UBAC2: variants seen among roughly 807,000 people sequenced by gnomAD.
UBAC2 encodes UBA domain containing 2, also known as ubiquitin-associated domain-containing protein 2.
UBAC2 carries 26 observed loss-of-function variants against 44.0 expected under a neutral mutation model. The observed-to-expected ratio is 0.59, with a 90% confidence interval of 0.43 to 0.82. The LOEUF is 0.82. Ranked by LOEUF, UBAC2 falls within the 40% of genes least tolerant of loss-of-function variation. UBAC2 has a pLI of 0.00. For synonymous variants in UBAC2, 155 were observed against 154.3 expected (o/e 1.00, Z -0.04); for missense variants, 329 against 419.4 (o/e 0.78, Z 1.88).
At chr13:99,351,306 C>T (rs2045084307) in intron 7 of UBAC2, among the ~76,000 whole-genome samples, 1 of 152,178 alleles carries the variant, frequency 6.6e-6, no homozygotes, top group Non-Finnish European at 1.5e-5. Context: ...AGCTTGTAAC[C>T]TCTAGAGCAA....
At chr13:99,338,047 C>CTTTTTCTTTTTTTTTTTTTTTTTTT (rs2044821100) in intron 6 of UBAC2, among the ~76,000 whole-genome samples, 2 of 48,852 alleles carry the variant, frequency 4.1e-5, no homozygotes, top group African/African-American at 7.1e-5. Context: ...TTCTTTTTTT[C>CTTTTTCTTTTTTTTTTTTTTTTTTT]TTTTTTTTTT....
In UBAC2 at chr13:99,208,671, C is replaced by T. The variant is rs534522871; in HGVS notation, c.31+7732C>T. On this transcript the variant is annotated intron_variant, in intron 1 of 8. Transcript: ENST00000403766. The stretch of plus-strand genomic sequence containing the variant: ...CGGTGTGACAGGCTTCTGGTGCGTT[C>T]GGCTCCTCTCTGTCCCTCAGATTTC... Among the ~76,000 whole-genome samples the T allele has an allele frequency of 1.1e-3, 171 of 152,298 alleles. 3 individuals are homozygous for T. In the Middle Eastern group the frequency reaches 0.014, roughly 12 times the overall value.
intron 6 of UBAC2, among the ~76,000 whole-genome samples, chr13:99,337,865 T>C (rs1027541286): frequency 2.2e-4 from 33 of 152,122 alleles, no homozygotes; most frequent in African/African-American, 8.0e-4. Context: ...AACCCTCTAC[T>C]TCTCTCCTCC....
At chr13:99,231,749 T>G (rs2043175566) in intron 1 of UBAC2, among the ~76,000 whole-genome samples, 1 of 152,162 alleles carries the variant, frequency 6.6e-6, no homozygotes, top group South Asian at 2.1e-4. Context: ...ACTAGTTCCC[T>G]CTTTTGATGA....
In UBAC2 at chr13:99,302,691, C is replaced by G. The variant is rs558730705; in HGVS notation, c.390-11406C>G. 2.6e-5 allele frequency among the ~76,000 whole-genome samples: 4 copies of G among 152,272 alleles called. No homozygotes were observed. In the South Asian group the frequency reaches 6.2e-4, roughly 24 times the overall value. ...TGTAAAATGGACAGTGGGAAACATG[C>G]ATTCCTGGTGTGCAAGAGGAACCTG... On this transcript the variant is annotated intron_variant, in intron 4 of 8. Transcript: ENST00000403766.
At chr13:99,303,509 A>G (rs532061554) in intron 4 of UBAC2, among the ~76,000 whole-genome samples, 9 of 152,330 alleles carry the variant, frequency 5.9e-5, no homozygotes, top group African/African-American at 2.2e-4. Flanking sequence ...GATGAAGATG[A>G]CATATGTTTA....
rs897683843 is a variant in UBAC2, at chr13:99,253,841, A to G, written c.389+9217A>G. Among the ~76,000 whole-genome samples, 12 of 152,330 alleles carry G rather than the reference A, an allele frequency of 7.9e-5. 1 individual carries two copies. The East Asian group carries it at 1.9e-3, about 24-fold the overall frequency. The stretch of plus-strand genomic sequence containing the variant: ...AAATAAATTTCTAACCAATGCATGT[A>G]TTTGGTTCTAAGCCCCAGTAGGATA... On this transcript the variant is annotated intron_variant, in intron 4 of 8. Transcript: ENST00000403766.
intron 7 of UBAC2, among the ~76,000 whole-genome samples, chr13:99,357,337 G>A (rs901353597): frequency 6.6e-6 from 1 of 152,178 alleles, no homozygotes; most frequent in African/African-American, 2.4e-5. Context: ...TAAGCGACAC[G>A]TGACTACAGT....
intron 2 of UBAC2, among the ~76,000 whole-genome samples, chr13:99,243,351 G>T (rs2043343346): frequency 6.7e-6 from 1 of 149,958 alleles, no homozygotes; most frequent in African/African-American, 2.5e-5. Context: ...TTTAGCAGCA[G>T]TTGCCATAAA....
At chr13:99,232,397 G>GATATATATATATATAT (rs768838568) in intron 1 of UBAC2, among the ~76,000 whole-genome samples, 1,390 of 82,066 alleles carry the variant, frequency 0.017, 80 homozygotes, top group Middle Eastern at 0.033. Context: ...CCTTAGTTGA[G>GATATATATATATATAT]AGATATAGAT....
At chr13:99,211,611 C>T (rs867006514) in intron 1 of UBAC2, among the ~76,000 whole-genome samples, 2 of 152,236 alleles carry the variant, frequency 1.3e-5, no homozygotes, top group African/African-American at 4.8e-5. Flanking sequence ...GGCACAGTTA[C>T]TCTTCCCAAT....
At chr13:99,344,497 A>T (rs141487000) in intron 7 of UBAC2, among the ~76,000 whole-genome samples, 1 of 152,120 alleles carries the variant, frequency 6.6e-6, no homozygotes, top group Non-Finnish European at 1.5e-5. Context: ...CATGCTGTGT[A>T]TTTCATTTAA....
In UBAC2 at chr13:99,293,124, AT is replaced by A. The variant is rs1181570148; in HGVS notation, c.390-20971del. On this transcript the variant is annotated intron_variant, in intron 4 of 8. Transcript: ENST00000403766. Reference sequence around the variant, plus strand: ...TAAGAAAACATTAATTGGAGATAGGATTAGAGTTTACCTTTTTGGCAGTATG... The same window carrying A: ...TAAGAAAACATTAATTGGAGATAGGATAGAGTTTACCTTTTTGGCAGTATG... Among the ~76,000 whole-genome samples the A allele has an allele frequency of 2.0e-5, 3 of 152,160 alleles. No individual in the cohort carries two copies. The East Asian group carries it at 5.8e-4, about 29-fold the overall frequency.
intron 4 of UBAC2, among the ~76,000 whole-genome samples, chr13:99,267,671 T>C (rs1035109833): frequency 1.3e-5 from 2 of 152,240 alleles, no homozygotes; most frequent in Non-Finnish European, 2.9e-5. Flanking sequence ...TTTATTATTA[T>C]AGTCATTTGA....
chr13:99,292,454 C>T (rs1470318392), intron 4 of UBAC2, among the ~76,000 whole-genome samples: 2 of 152,100 alleles, frequency 1.3e-5, no homozygotes, highest in Non-Finnish European at 2.9e-5. Flanking sequence ...GGTTATATTC[C>T]TAATGCTGCC....
intron 2 of UBAC2, among the ~76,000 whole-genome samples, chr13:99,239,257 C>T (rs1165060167): frequency 1.3e-5 from 2 of 152,174 alleles, no homozygotes; most frequent in Admixed American, 6.5e-5. Context: ...ACTTACTGTG[C>T]AGGTCTTTTA....
chr13:99,263,871 A>G (rs1326453868), intron 4 of UBAC2, among the ~76,000 whole-genome samples: 1 of 152,242 alleles, frequency 6.6e-6, no homozygotes, highest in Non-Finnish European at 1.5e-5. Context: ...TGTTAAGTTG[A>G]AAAAGCCAGA....
intron 4 of UBAC2, among the ~76,000 whole-genome samples, chr13:99,247,331 C>G (rs991447546): frequency 6.6e-6 from 1 of 151,810 alleles, no homozygotes; most frequent in Non-Finnish European, 1.5e-5. Context: ...TCTCCTGCCT[C>G]AGCCTCCCGA....
At position 99,346,160 on chromosome 13, in the gene UBAC2, T is replaced by C. The variant is rs373418764; in HGVS notation, c.807+5595T>C. ...TTTCACCCCAGACATTTCCCACTTA[T>C]ACATCCATGTCCTTCCTGCCTTCCC... On this transcript the variant is annotated intron_variant, in intron 7 of 8. Coordinates refer to ENST00000403766, the MANE Select transcript of UBAC2 (RefSeq NM_001144072.2). Among the ~76,000 whole-genome samples the C allele has an allele frequency of 1.4e-3, 208 of 152,356 alleles. 2 individuals are homozygous for C. Among genetic ancestry groups the C allele is most frequent in the African/African-American group, 4.9e-3 (203 of 41,588 alleles).
Sources: gnomAD v4.1 joint callset for allele counts (sites outside exome capture counted in the v4.1 genomes callset) on GRCh38, gnomAD v4.1.1 for gene constraint, MANE v1.5 for transcripts, NCBI Gene and HGNC (gene_info 2026-07-23, HGNC 2026-07-21) for gene names.